PGAP1: variants seen among roughly 807,000 people sequenced by gnomAD.
The protein encoded by PGAP1 is post-GPI attachment to proteins inositol deacylase 1.
A neutral mutation model predicts 127.0 loss-of-function variants in PGAP1; 76 were observed. The observed-to-expected ratio is 0.60, with a 90% CI of 0.50 to 0.72. The LOEUF (loss-of-function observed/expected upper bound fraction) is 0.72, where lower values mean the gene tolerates loss of function less well. Among genes scored for constraint, PGAP1 ranks in the 30% least tolerant of loss-of-function variants. PGAP1 has a pLI of 0.00. For synonymous variants in PGAP1, 362 were observed against 366.5 expected, an observed-to-expected ratio of 0.99 and a Z score of 0.14; for missense variants, 982 against 1,071.3, an observed-to-expected ratio of 0.92 and a Z score of 1.16.
intron 14 of PGAP1, among the ~76,000 whole-genome samples, chr2:196,874,168 T>G (rs1326883545): frequency 6.6e-6 from 1 of 152,060 alleles, no homozygotes; most frequent in Non-Finnish European, 1.5e-5. Flanking sequence ...TAACACAGAT[T>G]CTTTTCATAA....
At chr2:196,845,768 C>T (rs1347333749) in intron 23 of PGAP1, 114 bp downstream of exon 23, 1 of 736,220 alleles carries the variant, frequency 1.4e-6, no homozygotes, top group African/African-American at 1.8e-5. Context: ...CGTTATGTAA[C>T]AGAGGGTTAC....
intron 10 of PGAP1, among the ~76,000 whole-genome samples, chr2:196,886,157 CTTTTTT>C (rs768495810): frequency 9.8e-5 from 12 of 122,180 alleles, no homozygotes; most frequent in South Asian, 2.7e-4. Flanking sequence ...CTGGTTATCT[CTTTTTT>C]TTTTTTTTTT....
intron 20 of PGAP1, among the ~76,000 whole-genome samples, chr2:196,854,336 A>T (rs1700810750): frequency 6.6e-6 from 1 of 152,172 alleles, no homozygotes; most frequent in Non-Finnish European, 1.5e-5. Context: ...AATTATATGG[A>T]AAACATTGTC....
rs763097142 is a variant in PGAP1 at position 196,916,576 on chromosome 2, T to C, written c.319A>G (p.Ile107Val). The C allele has an allele frequency of 5.0e-6, 8 of 1,610,922 alleles. No individual in the cohort carries two copies. Among genetic ancestry groups the C allele is most frequent in the African/African-American group, 1.3e-5 (1 of 74,776 alleles). ...ATGTCCTCTGCTTTTCTAAGTGCAA[T>C]GGAGCCAATAGAACGAACTGCAGAG... is the stretch of plus-strand genomic sequence containing the variant. The part of the protein sequence containing the change: ...SYKQVRSIGS[I>V]ALRKAEDIDF... The change falls in exon 3 of 27, where the codon ATT becomes GTT. Residue 107 changes from isoleucine (I) to valine (V), a missense_variant. Physicochemically the swap from Ile to Val is conservative, Grantham distance 29. Coordinates refer to ENST00000354764, the MANE Select transcript of PGAP1 (RefSeq NM_024989.4).
chr2:196,912,759 G>T (rs1702873144), intron 4 of PGAP1, 123 bp downstream of exon 4: 2 of 784,430 alleles, frequency 2.5e-6, no homozygotes, highest in African/African-American at 3.6e-5. Flanking sequence ...GTGCTGATTT[G>T]CAACTGAGTT....
chr2:196,922,638 T>A, intron 1 of PGAP1: 20 of 358,684 alleles, frequency 5.6e-5, no homozygotes, highest in Non-Finnish European at 7.2e-5. Context: ...GAGAGAGACA[T>A]CCTTTAAAAT....
Position 196,916,525 on chromosome 2 carries a change from A to G in PGAP1, c.370T>C (p.Phe124Leu), listed in dbSNP as rs1224280259. The change falls in exon 3 of 27, where the codon TTT becomes CTT. Residue 124 changes from phenylalanine to leucine, a missense_variant. Transcript: ENST00000354764. ...DIDFKYHFDF[F>L]SVNFNEELVA... ...AGTTCTTCATTGAAGTTCACACTAAAGAAGTCAAAGTGGTACTTGAAGTCA... is the reference window on the plus strand; with the variant it reads ...AGTTCTTCATTGAAGTTCACACTAAGGAAGTCAAAGTGGTACTTGAAGTCA... 1 of 1,613,526 alleles carries G rather than the reference A, an allele frequency of 6.2e-7. No homozygotes were observed. Among genetic ancestry groups the G allele is most frequent in the Non-Finnish European group, 8.5e-7 (1 of 1,179,786 alleles).
chr2:196,847,053 C>T lies in PGAP1; in HGVS notation c.2100G>A (p.Leu700=), dbSNP rs139927561. Residue 700 remains leucine, a synonymous_variant, in exon 22 of 27, where the codon CTG becomes CTA. Coordinates refer to ENST00000354764, the MANE Select transcript of PGAP1 (RefSeq NM_024989.4). ...AAAGAAGTCTCACAGATGCAGAAGA[C>T]AGTAGGCCACTCCAGTAGGCAGTAC... ...GTCTAYWSGL[L]SSASVRLLSS... is the part of the protein sequence containing the mutation. 320 of 1,613,760 alleles carry T rather than the reference C, an allele frequency of 2.0e-4. No individual in the cohort carries two copies. Among genetic ancestry groups the T allele is most frequent in the South Asian group, 6.1e-4 (56 of 91,058 alleles).
rs746864322 is a variant in PGAP1 at position 196,885,872 on chromosome 2, A to G, written c.1182T>C (p.Asn394=). The G allele has an allele frequency of 2.8e-6, 4 of 1,410,102 alleles. No individual in the cohort carries two copies. In the African/African-American group the frequency reaches 4.4e-5, roughly 16 times the overall value. 87.3% of individuals were successfully genotyped at this position (1,410,102 alleles called of 1,614,324 possible). Reference sequence around the variant, plus strand: ...TGTTTATGCAAGCAAAAATCCAACTATTTGTATCCTGTTGATGAACAGCAC... The same window carrying G: ...TGTTTATGCAAGCAAAAATCCAACTGTTTGTATCCTGTTGATGAACAGCAC... The part of the protein sequence containing the change: ...VYCQSTMLDT[N]SWIFACINST... Residue 394 remains asparagine, a synonymous_variant, in exon 11 of 27, where the codon AAT becomes AAC. Transcript: ENST00000354764.
chr2:196,854,475 A>G (rs1260603549), intron 20 of PGAP1, among the ~76,000 whole-genome samples: 1 of 152,182 alleles, frequency 6.6e-6, no homozygotes, highest in Non-Finnish European at 1.5e-5. Context: ...TCTTCTTTAA[A>G]GTTATATTTG....
rs1304004978 is a variant in PGAP1, at chr2:196,872,966, A to G, written c.1613T>C (p.Ile538Thr). The G allele has an allele frequency of 6.9e-6, 7 of 1,021,522 alleles. No homozygotes were observed. In the South Asian group the frequency reaches 8.8e-5, roughly 13 times the overall value. The allele number at this position is 1,021,522 out of a possible 1,614,324, so 63.3% of individuals were successfully genotyped here. A position where few individuals can be genotyped will look rare whatever the true frequency, so the allele number is the denominator to read the frequency against. The part of the protein sequence containing the change: ...IPWSYEDSLT[I>T]AQAPSSTEIS... ...AATTCTTTCAAATACTTACTGTGCA[A>G]TGGTTAGTGAATCTTCATAAGACCA... Residue 538 changes from isoleucine to threonine, a missense_variant, in exon 17 of 27, where the codon ATT (isoleucine) becomes ACT (threonine). Physicochemically the swap from Ile to Thr is moderately conservative, Grantham distance 89 (BLOSUM62 -1). Coordinates refer to ENST00000354764, the MANE Select transcript of PGAP1 (RefSeq NM_024989.4).
chr2:196,914,574 T>C (rs1212679055), intron 3 of PGAP1, among the ~76,000 whole-genome samples: 5 of 152,048 alleles, frequency 3.3e-5, no homozygotes, highest in African/African-American at 4.8e-5. Flanking sequence ...TGAGCTGAGA[T>C]TGCACCACTG....
chr2:196,871,668 A>G (rs1701415751), intron 18 of PGAP1, among the ~76,000 whole-genome samples: 1 of 152,224 alleles, frequency 6.6e-6, no homozygotes, highest in Non-Finnish European at 1.5e-5. Flanking sequence ...AATTCATAAT[A>G]TAAGTTCAAC....
chr2:196,871,137 C>G (rs1156573804), intron 18 of PGAP1, among the ~76,000 whole-genome samples, 158 bp from the exon 19 acceptor site: 8 of 152,108 alleles, frequency 5.3e-5, no homozygotes, highest in Admixed American at 5.2e-4. Flanking sequence ...TCTTTTGAAC[C>G]ACCATGCAAA....
chr2:196,847,797 A>T, intron 21 of PGAP1, 150 bp downstream of exon 21: 1 of 522,448 alleles, frequency 1.9e-6, no homozygotes, highest in East Asian at 3.3e-5. Flanking sequence ...TATACTTATT[A>T]GACCTTTGCC....
At chr2:196,872,023 A>G (rs888760190) in intron 18 of PGAP1, among the ~76,000 whole-genome samples, 2 of 151,740 alleles carry the variant, frequency 1.3e-5, no homozygotes, top group African/African-American at 2.4e-5. Context: ...AGCAGAGCTT[A>G]AAATAATTAG....
At chr2:196,868,084 G>T (rs542949022) in intron 19 of PGAP1, among the ~76,000 whole-genome samples, 2 of 152,128 alleles carry the variant, frequency 1.3e-5, no homozygotes, top group South Asian at 4.2e-4. Context: ...TGTGTCCTTG[G>T]GCAAGTTATT....
intron 3 of PGAP1, among the ~76,000 whole-genome samples, chr2:196,915,513 A>T (rs982521815): frequency 6.6e-6 from 1 of 152,174 alleles, no homozygotes; most frequent in African/African-American, 2.4e-5. Flanking sequence ...TCCCTACCTC[A>T]GTTAATGGCA....
At chr2:196,919,931 T>C (rs963498453) in intron 2 of PGAP1, 66 bp downstream of exon 2, 21 of 1,483,970 alleles carry the variant, frequency 1.4e-5, no homozygotes, top group African/African-American at 1.3e-4. Flanking sequence ...TCACCGAGTA[T>C]GGATATGATT....
Sources: allele counts gnomAD v4.1 joint callset (sites outside exome capture counted in the v4.1 genomes callset), GRCh38; gene constraint gnomAD v4.1.1; transcripts MANE v1.5; gene names NCBI Gene and HGNC (gene_info 2026-07-23, HGNC 2026-07-21).